The following DYSF variants were observed in gnomAD, a reference collection of about 807,000 sequenced individuals.
DYSF encodes dysferlin.
In DYSF, 212 loss-of-function variants were observed where a neutral mutation model predicts 274.9. The ratio of observed to expected loss-of-function variants is 0.77; its 90% CI spans 0.69 to 0.86. The LOEUF is 0.86. Ranked by LOEUF, DYSF falls within the 40% of genes least tolerant of loss-of-function variation. DYSF has a pLI of 0.00. For synonymous variants in DYSF, 1,091 were observed against 1,078.7 expected (o/e 1.01, Z -0.22); for missense variants, 2,666 against 2,783.2 (o/e 0.96, Z 0.95).
At chr2:71,612,858 C>T (rs1163960403) in intron 39 of DYSF, 52 bp downstream of exon 39, 1 of 1,575,096 alleles carries the variant, frequency 6.3e-7, no homozygotes, top group South Asian at 1.1e-5. Context: ...GCCTCAGGGC[C>T]AAGCTACCCT....
At chr2:71,612,083 C>T (rs558390478) in intron 38 of DYSF, among the ~76,000 whole-genome samples, 260 of 152,292 alleles carry the variant, frequency 1.7e-3, no homozygotes, top group Non-Finnish European at 3.1e-3. Flanking sequence ...ACCTAGTGGC[C>T]AGAGTAAGGC....
intron 51 of DYSF, among the ~76,000 whole-genome samples, chr2:71,672,726 A>C (rs1434592724): frequency 6.6e-6 from 1 of 152,148 alleles, no homozygotes; most frequent in Non-Finnish European, 1.5e-5. Flanking sequence ...AGCTGGCCAG[A>C]GGAATGGAGG....
intron 30 of DYSF, among the ~76,000 whole-genome samples, chr2:71,579,827 G>C (rs977623604): frequency 6.6e-6 from 1 of 152,226 alleles, no homozygotes; most frequent in African/African-American, 2.4e-5. Context: ...CGAGTGGCCA[G>C]CTACCACATT....
intron 41 of DYSF, among the ~76,000 whole-genome samples, chr2:71,642,694 A>C (rs1369024538): frequency 6.6e-6 from 1 of 152,186 alleles, no homozygotes; most frequent in Non-Finnish European, 1.5e-5. Context: ...TGGCCACACA[A>C]GGTGTGTTAG....
At chr2:71,667,653 C>CT in intron 48 of DYSF, 138 bp downstream of exon 48, 1 of 1,359,338 alleles carries the variant, frequency 7.4e-7, no homozygotes, top group Middle Eastern at 2.5e-4. Flanking sequence ...TCTTCACAGT[C>CT]TGAGTGCGGC....
At chr2:71,561,597 T>TA (rs556307559) in intron 22 of DYSF, among the ~76,000 whole-genome samples, 155 bp from the exon 23 acceptor site, 97 of 152,160 alleles carry the variant, frequency 6.4e-4, no homozygotes, top group Middle Eastern at 3.4e-3. Flanking sequence ...GCACATCACA[T>TA]AGAGATGGCT....
intron 41 of DYSF, among the ~76,000 whole-genome samples, chr2:71,620,896 G>C (rs1002430003): frequency 2.0e-5 from 3 of 152,056 alleles, no homozygotes; most frequent in African/African-American, 7.2e-5. Context: ...CAGTGGAAGC[G>C]GGGAAATCTC....
At chr2:71,667,330 T>C (rs1171982107) in intron 47 of DYSF, 46 bp from the exon 48 acceptor site, 1 of 1,613,228 alleles carries the variant, frequency 6.2e-7, no homozygotes. Context: ...CCATTATCTC[T>C]CGCTTCCCCA....
chr2:71,481,071 T>G, intron 2 of DYSF, 133 bp downstream of exon 2: 1 of 896,672 alleles, frequency 1.1e-6, no homozygotes, highest in Non-Finnish European at 1.8e-6. Context: ...TGGTCCAGCC[T>G]GCCAACGAAA....
At chr2:71,519,240 C>G (rs1304145305) in intron 10 of DYSF, among the ~76,000 whole-genome samples, 1 of 151,880 alleles carries the variant, frequency 6.6e-6, no homozygotes, top group East Asian at 1.9e-4. Flanking sequence ...GTCTGTTTAC[C>G]TGGAGAAGCA....
At chr2:71,553,755 C>T in intron 20 of DYSF, 52 bp from the exon 21 acceptor site, 18 of 583,292 alleles carry the variant, frequency 3.1e-5, no homozygotes, top group Non-Finnish European at 4.3e-5. Flanking sequence ...GCACCCCATC[C>T]CACCCGCCCT....
chr2:71,617,779 GGTGTGTGTGTGGTAGAGGTGGGGTATAT>G (rs1558635236), intron 40 of DYSF, among the ~76,000 whole-genome samples: 15 of 106,714 alleles, frequency 1.4e-4, no homozygotes, highest in East Asian at 3.1e-4. Context: ...TGGTAGAGGT[GGTGTGTGTGTGGTAGAGGTGGGGTATAT>G]GTGTGTGTGT....
At chr2:71,679,939 T>TC (rs1396702364) in intron 53 of DYSF, among the ~76,000 whole-genome samples, 3 of 151,892 alleles carry the variant, frequency 2.0e-5, no homozygotes, top group East Asian at 1.9e-4. Context: ...GATACAGTAG[T>TC]CCCCCCCTTA....
chr2:71,666,194 G>A (rs1289018810), intron 47 of DYSF, among the ~76,000 whole-genome samples: 2 of 152,060 alleles, frequency 1.3e-5, no homozygotes, highest in Non-Finnish European at 2.9e-5. Context: ...CCTTCTACTA[G>A]TCTGTGAGCA....
chr2:71,483,216 A>G (rs2083080122), intron 3 of DYSF, among the ~76,000 whole-genome samples: 1 of 152,180 alleles, frequency 6.6e-6, no homozygotes, highest in South Asian at 2.1e-4. Context: ...GGGCCAGGGC[A>G]TCTTGGGCCC....
intron 28 of DYSF, 98 bp from the exon 29 acceptor site, chr2:71,570,501 C>T (rs573407403): frequency 3.4e-5 from 53 of 1,538,876 alleles, no homozygotes; most frequent in South Asian, 2.0e-4. Context: ...AGTCAGTGGC[C>T]GCTCAAGAGT....
intron 47 of DYSF, among the ~76,000 whole-genome samples, chr2:71,665,553 G>A (rs2094984222): frequency 6.6e-6 from 1 of 152,290 alleles, no homozygotes; most frequent in South Asian, 2.1e-4. Context: ...CCAAGGCCAG[G>A]TTGGGGCCCA....
intron 30 of DYSF, among the ~76,000 whole-genome samples, chr2:71,578,936 C>T (rs926027007): frequency 6.6e-5 from 10 of 152,320 alleles, no homozygotes; most frequent in African/African-American, 1.7e-4. Flanking sequence ...GTCTCCATCC[C>T]GAGCATTATT....
intron 42 of DYSF, among the ~76,000 whole-genome samples, chr2:71,653,499 T>C (rs2094704721): frequency 6.6e-6 from 1 of 152,114 alleles, no homozygotes; most frequent in Non-Finnish European, 1.5e-5. Context: ...GATGAGTTCA[T>C]GTCCTTTGTA....
Sources: gnomAD v4.1 joint callset for allele counts (sites outside exome capture counted in the v4.1 genomes callset) on GRCh38, gnomAD v4.1.1 for gene constraint, MANE v1.5 for transcripts, NCBI Gene and HGNC (gene_info 2026-07-23, HGNC 2026-07-21) for gene names.